Variants in USH2A observed in about 807,000 individuals in gnomAD.
USH2A encodes the protein usherin.
USH2A carries 443 observed loss-of-function variants against 538.9 expected under a neutral mutation model. The ratio of observed to expected loss-of-function variants is 0.82; its 90% CI spans 0.76 to 0.89. USH2A has a LOEUF of 0.89. USH2A is among the 40% of genes least tolerant of loss of function. USH2A has a pLI of 0.00. For synonymous variants in USH2A, 2,413 were observed against 2,273.5 expected (o/e 1.06, Z -1.75); for missense variants, 6,633 against 6,324.8 (o/e 1.05, Z -1.65).
intron 38 of USH2A, among the ~76,000 whole-genome samples, chr1:215,907,027 A>T (rs1665656813): frequency 6.6e-6 from 1 of 151,908 alleles, no homozygotes; most frequent in African/African-American, 2.4e-5. Flanking sequence ...GTGACAGGAA[A>T]ATAGTCACTT....
At chr1:216,155,681 T>A (rs2033923376) in intron 21 of USH2A, among the ~76,000 whole-genome samples, 1 of 152,176 alleles carries the variant, frequency 6.6e-6, no homozygotes, top group African/African-American at 2.4e-5. Context: ...CTTGGCTGGC[T>A]TGGCTTAAAT....
intron 61 of USH2A, among the ~76,000 whole-genome samples, chr1:215,720,453 C>T (rs1217170118): frequency 6.6e-6 from 1 of 152,140 alleles, no homozygotes; most frequent in Admixed American, 6.5e-5. Flanking sequence ...TAAGTGATCC[C>T]ATAGTTTTGG....
At chr1:215,854,645 C>A (rs936609182) in intron 44 of USH2A, among the ~76,000 whole-genome samples, 1 of 152,176 alleles carries the variant, frequency 6.6e-6, no homozygotes, top group African/African-American at 2.4e-5. Flanking sequence ...GTCTTCCAGT[C>A]CACGGCAAAG....
chr1:216,206,593 C>T (rs917731075), intron 16 of USH2A, among the ~76,000 whole-genome samples: 2 of 152,104 alleles, frequency 1.3e-5, no homozygotes, highest in African/African-American at 4.8e-5. Context: ...AGGTCACAGA[C>T]CAGTACCTGT....
intron 3 of USH2A, among the ~76,000 whole-genome samples, chr1:216,401,616 T>C (rs947131400): frequency 1.5e-4 from 23 of 152,036 alleles, no homozygotes; most frequent in African/African-American, 5.3e-4. Flanking sequence ...AAAATATATC[T>C]GCAAACATTA....
At chr1:216,036,311 A>G (rs998332943) in intron 32 of USH2A, among the ~76,000 whole-genome samples, 2 of 152,092 alleles carry the variant, frequency 1.3e-5, no homozygotes, top group Non-Finnish European at 2.9e-5. Context: ...ACTGTAGAGA[A>G]TTTAAAAGAT....
intron 51 of USH2A, among the ~76,000 whole-genome samples, chr1:215,788,348 T>A (rs1464104178): frequency 1.3e-5 from 2 of 152,146 alleles, no homozygotes; most frequent in African/African-American, 4.8e-5. Context: ...AGAAAGGATG[T>A]ACTCTATATC....
intron 37 of USH2A, among the ~76,000 whole-genome samples, chr1:215,964,083 C>T (rs930246028): frequency 2.0e-5 from 3 of 152,134 alleles, no homozygotes; most frequent in Non-Finnish European, 4.4e-5. Context: ...CTGAAGATGA[C>T]ATGACTTAGA....
At chr1:216,067,488 C>A (rs1571930996) in intron 30 of USH2A, among the ~76,000 whole-genome samples, 1 of 139,568 alleles carries the variant, frequency 7.2e-6, no homozygotes, top group Admixed American at 7.2e-5. Context: ...CACTCACGGC[C>A]AGGGAGAGAA....
chr1:216,346,389 C>A (rs1299771410), intron 4 of USH2A, among the ~76,000 whole-genome samples: 2 of 152,234 alleles, frequency 1.3e-5, no homozygotes, highest in South Asian at 4.1e-4. Flanking sequence ...AGATCCCTCT[C>A]AAAATCTAAG....
intron 61 of USH2A, among the ~76,000 whole-genome samples, chr1:215,716,492 A>T (rs902396352): frequency 2.0e-5 from 3 of 152,254 alleles, no homozygotes; most frequent in Admixed American, 2.0e-4. Flanking sequence ...TCCAGCCATG[A>T]CATTAGTAAT....
At chr1:216,389,375 TC>T (rs1290342666) in intron 3 of USH2A, among the ~76,000 whole-genome samples, 1 of 152,200 alleles carries the variant, frequency 6.6e-6, no homozygotes, top group African/African-American at 2.4e-5. Flanking sequence ...AAGGAATCAG[TC>T]CTTCTATGAT....
intron 35 of USH2A, among the ~76,000 whole-genome samples, chr1:215,981,077 T>C (rs1571863959): frequency 6.6e-6 from 1 of 152,184 alleles, no homozygotes; most frequent in African/African-American, 2.4e-5. Context: ...CATTGTTCTA[T>C]ATCCTCAAAA....
chr1:215,879,889 CA>C (rs1231636775), intron 41 of USH2A, among the ~76,000 whole-genome samples: 4 of 152,092 alleles, frequency 2.6e-5, no homozygotes, highest in Non-Finnish European at 1.5e-5. Flanking sequence ...CAGGCCATGA[CA>C]AAAATCATTT....
chr1:215,627,387 TC>T lies in USH2A; in HGVS notation c.15519+1426del, dbSNP rs1656070074. Among the ~76,000 whole-genome samples the T allele has an allele frequency of 5.0e-4, 5 of 10,092 alleles. No homozygotes were observed. The South Asian group carries it at 0.021, about 42-fold the overall frequency. The allele number at this position is 10,092 out of a possible 152,430, so 6.6% of individuals were successfully genotyped here. ...TCCCTCCCTCCCTCCCTTCCTTCTT[TC>T]CTTCCTTCCTTCCTTCCTTCCTTCC... On this transcript the variant is annotated intron_variant, in intron 71 of 71. Transcript: ENST00000307340.
chr1:216,211,056 G>A (rs1028079916), intron 15 of USH2A, among the ~76,000 whole-genome samples: 23 of 152,094 alleles, frequency 1.5e-4, no homozygotes, highest in African/African-American at 2.9e-4. Flanking sequence ...AGTTTAACAC[G>A]TGGAAGTTCC....
intron 32 of USH2A, among the ~76,000 whole-genome samples, chr1:216,032,913 C>A (rs1669160792): frequency 6.6e-6 from 1 of 152,164 alleles, no homozygotes; most frequent in South Asian, 2.1e-4. Flanking sequence ...GCCCAAACTG[C>A]CCCAACTCTT....
chr1:216,323,524 A>T lies in USH2A; in HGVS notation c.1500T>A (p.Val500=). Residue 500 remains valine, a synonymous_variant, in exon 8 of 72, where the codon GTT becomes GTA. Transcript: ENST00000307340. ...CTGCATAATATCTGTGTCTGAGGTT[A>T]ACAGCAGTCTCAGTTGTATAGTACT... ...HGQYYTTETA[V]NLRHRYYAVD... 6.2e-7 allele frequency: 1 copy of T among 1,613,574 alleles called. No homozygotes were observed. Among genetic ancestry groups the T allele is most frequent in the African/African-American group, 1.3e-5 (1 of 74,978 alleles).
rs558149460 is a variant in USH2A at position 215,728,735 on chromosome 1, C to T, written c.11712-351G>A. On this transcript the variant is annotated intron_variant, in intron 60 of 71. Transcript: ENST00000307340. Reference sequence around the variant, plus strand: ...TTTTATTATCTTCCAGATGTTTTTGCTGAATAACAAGATACATATGCAATA... The same window carrying T: ...TTTTATTATCTTCCAGATGTTTTTGTTGAATAACAAGATACATATGCAATA... Among the ~76,000 whole-genome samples, 3 of 152,220 alleles carry T rather than the reference C, an allele frequency of 2.0e-5. No individual in the cohort carries two copies. The East Asian group carries it at 5.8e-4, about 29-fold the overall frequency.
Sources: allele counts gnomAD v4.1 joint callset (sites outside exome capture counted in the v4.1 genomes callset), GRCh38; gene constraint gnomAD v4.1.1; transcripts MANE v1.5; gene names NCBI Gene and HGNC (gene_info 2026-07-23, HGNC 2026-07-21).